The following CAMK1D variants were observed in gnomAD, a reference collection of about 807,000 sequenced individuals.
CAMK1D encodes the protein calcium/calmodulin dependent protein kinase ID, also known as calcium/calmodulin-dependent protein kinase type 1D.
CAMK1D carries 9 observed loss-of-function variants against 47.7 expected under a neutral mutation model. The ratio of observed to expected loss-of-function variants is 0.19; its 90% CI spans 0.11 to 0.33. The LOEUF (loss-of-function observed/expected upper bound fraction) is 0.33, where lower values mean the gene tolerates loss of function less well. Ranked by LOEUF, CAMK1D falls within the 10% of genes least tolerant of loss-of-function variation. The probability of loss-of-function intolerance (pLI) is 1.00; values close to 1 mark genes in which losing one functional copy is unlikely to be tolerated. For synonymous variants in CAMK1D, 184 were observed against 184.9 expected (o/e 0.99, Z 0.04); for missense variants, 291 against 488.7 (o/e 0.60, Z 3.81).
At chr10:12,539,501 G>A (rs1836094332) in intron 1 of CAMK1D, among the ~76,000 whole-genome samples, 1 of 152,204 alleles carries the variant, frequency 6.6e-6, no homozygotes, top group African/African-American at 2.4e-5. Context: ...TTCAGGTTTT[G>A]CCAACCATGT....
At chr10:12,629,887 A>G (rs4480437) in intron 2 of CAMK1D, among the ~76,000 whole-genome samples, 113,846 of 152,176 alleles carry the variant, frequency 0.75, 44,838 homozygotes, top group Non-Finnish European at 0.86. Flanking sequence ...CTCCCAGGGC[A>G]GTGAATGAAC....
intron 3 of CAMK1D, among the ~76,000 whole-genome samples, chr10:12,691,396 TATATATAA>T (rs1832905616): frequency 4.1e-4 from 3 of 7,292 alleles, no homozygotes; most frequent in Non-Finnish European, 5.3e-4. Flanking sequence ...TATATATATA[TATATATAA>T]ATATATATAT....
intron 2 of CAMK1D, among the ~76,000 whole-genome samples, chr10:12,562,707 G>T (rs1184842258): frequency 3.3e-5 from 5 of 152,122 alleles, no homozygotes; most frequent in African/African-American, 1.2e-4. Context: ...GTCTGGATGG[G>T]CCCTTCCCTC....
chr10:12,668,024 G>A (rs996904408), intron 3 of CAMK1D, among the ~76,000 whole-genome samples: 2 of 152,140 alleles, frequency 1.3e-5, no homozygotes, highest in African/African-American at 4.8e-5. Flanking sequence ...AGTCAGCCAT[G>A]GTATAAGTCA....
intron 1 of CAMK1D, among the ~76,000 whole-genome samples, chr10:12,355,022 T>C (rs2131832436): frequency 6.6e-6 from 1 of 151,540 alleles, no homozygotes; most frequent in South Asian, 2.1e-4. Context: ...TTTTATTTTT[T>C]TGTAGAGACA....
chr10:12,374,084 AC>A (rs1427863138), intron 1 of CAMK1D, among the ~76,000 whole-genome samples: 1 of 151,312 alleles, frequency 6.6e-6, no homozygotes, highest in African/African-American at 2.4e-5. Context: ...ACATGGTGAA[AC>A]CCCGTCTCTA....
intron 1 of CAMK1D, among the ~76,000 whole-genome samples, chr10:12,366,042 T>G (rs1837824373): frequency 1.3e-5 from 2 of 152,126 alleles, no homozygotes; most frequent in Non-Finnish European, 2.9e-5. Flanking sequence ...GGTGACAGAA[T>G]GAGACTCCGT....
chr10:12,379,645 CG>C (rs1838283003), intron 1 of CAMK1D, among the ~76,000 whole-genome samples: 2 of 151,844 alleles, frequency 1.3e-5, no homozygotes, highest in African/African-American at 4.8e-5. Context: ...CCCAGCTACT[CG>C]GGAGGCTGAG....
intron 2 of CAMK1D, among the ~76,000 whole-genome samples, chr10:12,600,423 A>C (rs1460154135): frequency 6.6e-6 from 1 of 152,138 alleles, no homozygotes; most frequent in Non-Finnish European, 1.5e-5. Context: ...TAACCTACTC[A>C]CGCTTGGTTT....
intron 2 of CAMK1D, among the ~76,000 whole-genome samples, chr10:12,656,532 A>G (rs1840120584): frequency 6.6e-6 from 1 of 152,204 alleles, no homozygotes; most frequent in South Asian, 2.1e-4. Flanking sequence ...ATTTGTGCAC[A>G]AGGGTTTTTA....
At chr10:12,686,292 G>A (rs1459097559) in intron 3 of CAMK1D, among the ~76,000 whole-genome samples, 1 of 152,080 alleles carries the variant, frequency 6.6e-6, no homozygotes, top group Admixed American at 6.6e-5. Flanking sequence ...TACCATGCAT[G>A]ATGTTGTAGT....
chr10:12,818,528 G>A (rs564523655), intron 8 of CAMK1D, among the ~76,000 whole-genome samples: 20 of 152,158 alleles, frequency 1.3e-4, no homozygotes, highest in East Asian at 5.8e-4. Flanking sequence ...AAAATTAGCC[G>A]GACACGGTGG....
intron 1 of CAMK1D, among the ~76,000 whole-genome samples, chr10:12,531,087 G>A (rs1835790966): frequency 1.3e-5 from 2 of 150,840 alleles, no homozygotes; most frequent in African/African-American, 2.4e-5. Context: ...AGATTGTCCA[G>A]GATAAGACAA....
intron 3 of CAMK1D, among the ~76,000 whole-genome samples, chr10:12,682,215 A>C (rs1334689997): frequency 7.3e-6 from 1 of 137,280 alleles, no homozygotes; most frequent in South Asian, 2.6e-4. Context: ...GTGAGACTCC[A>C]TCTCAAAAAC....
intron 1 of CAMK1D, among the ~76,000 whole-genome samples, chr10:12,381,103 A>T (rs183371972): frequency 5.0e-4 from 76 of 152,318 alleles, no homozygotes; most frequent in African/African-American, 1.7e-3. Context: ...ATAAAAAAGG[A>T]AGTAGGAATG....
intron 2 of CAMK1D, among the ~76,000 whole-genome samples, chr10:12,561,424 C>T (rs879728217): frequency 2.6e-5 from 4 of 152,108 alleles, no homozygotes; most frequent in African/African-American, 4.8e-5. Flanking sequence ...CTTTAATCAC[C>T]GAGAAGAGTT....
At chr10:12,643,637 A>T (rs1839728782) in intron 2 of CAMK1D, among the ~76,000 whole-genome samples, 1 of 152,090 alleles carries the variant, frequency 6.6e-6, no homozygotes, top group African/African-American at 2.4e-5. Flanking sequence ...TAATCCCAGC[A>T]ATCTGGAAGG....
At chr10:12,383,645 G>T (rs1838407362) in intron 1 of CAMK1D, among the ~76,000 whole-genome samples, 1 of 152,198 alleles carries the variant, frequency 6.6e-6, no homozygotes, top group African/African-American at 2.4e-5. Flanking sequence ...TAAGGAAGTT[G>T]TGTATTGGGA....
At chr10:12,652,043 T>C (rs1839987652) in intron 2 of CAMK1D, among the ~76,000 whole-genome samples, 1 of 151,940 alleles carries the variant, frequency 6.6e-6, no homozygotes, top group South Asian at 2.1e-4. Flanking sequence ...CCTCCCAAAG[T>C]GCTGGGATTA....
Sources: gnomAD v4.1 joint callset for allele counts (sites outside exome capture counted in the v4.1 genomes callset) on GRCh38, gnomAD v4.1.1 for gene constraint, MANE v1.5 for transcripts, NCBI Gene and HGNC (gene_info 2026-07-23, HGNC 2026-07-21) for gene names.